The following NAV3 variants were observed in gnomAD, a reference collection of about 807,000 sequenced individuals.
NAV3 encodes neuron navigator 3.
NAV3 carries 87 observed loss-of-function variants against 244.7 expected under a neutral mutation model. The observed-to-expected ratio is 0.36, with a 90% CI of 0.30 to 0.42. The LOEUF (loss-of-function observed/expected upper bound fraction) is 0.42. Among genes scored for constraint, NAV3 ranks in the 20% least tolerant of loss-of-function variants. NAV3 has a pLI of 1.00. For missense variants in NAV3, 2,663 were observed against 2,893.3 expected, an observed-to-expected ratio of 0.92 and a Z score of 1.83; for synonymous variants, 1,126 against 1,042.2, an observed-to-expected ratio of 1.08 and a Z score of -1.55.
intron 2 of NAV3, among the ~76,000 whole-genome samples, chr12:77,658,311 A>G (rs1469995077): frequency 5.9e-5 from 9 of 151,644 alleles, no homozygotes; most frequent in Admixed American, 2.0e-4. Context: ...TTATACACCA[A>G]TAACAGACAA....
chr12:78,001,953 A>G (rs1031618486), intron 7 of NAV3, among the ~76,000 whole-genome samples: 17 of 152,308 alleles, frequency 1.1e-4, no homozygotes, highest in African/African-American at 3.1e-4. Context: ...GCATTTGTCA[A>G]TTTGCCCAGA....
intron 30 of NAV3, among the ~76,000 whole-genome samples, chr12:78,183,851 T>C (rs566584352): frequency 1.3e-5 from 2 of 151,946 alleles, no homozygotes; most frequent in Non-Finnish European, 2.9e-5. Flanking sequence ...CATTTCATAC[T>C]ACTCCTCACC....
chr12:77,596,394 T>C (rs711109), intron 2 of NAV3, among the ~76,000 whole-genome samples: 5,315 of 152,256 alleles, frequency 0.035, 115 homozygotes, highest in Middle Eastern at 0.071. Flanking sequence ...TATTTCTAGA[T>C]ATATTAGAAC....
At chr12:77,934,948 C>T (rs1378365810) in intron 1 of NAV3, among the ~76,000 whole-genome samples, 1 of 152,132 alleles carries the variant, frequency 6.6e-6, no homozygotes, top group Admixed American at 6.5e-5. Flanking sequence ...TTCAAACAGA[C>T]TTTTAACTTC....
intron 1 of NAV3, among the ~76,000 whole-genome samples, chr12:77,907,489 G>T (rs1368804635): frequency 6.6e-6 from 1 of 151,954 alleles, no homozygotes; most frequent in Non-Finnish European, 1.5e-5. Context: ...TTATTTCCTT[G>T]TAATAATTAG....
intron 24 of NAV3, among the ~76,000 whole-genome samples, chr12:78,170,139 G>A (rs892189038): frequency 3.3e-5 from 5 of 151,678 alleles, no homozygotes; most frequent in African/African-American, 1.2e-4. Flanking sequence ...GCTACCAAGA[G>A]AGAACTCCAC....
At chr12:77,720,056 A>G (rs188806624) in intron 2 of NAV3, among the ~76,000 whole-genome samples, 116 of 152,028 alleles carry the variant, frequency 7.6e-4, no homozygotes, top group Admixed American at 2.8e-3. Flanking sequence ...GAGTTCATCC[A>G]TTTCTCCTAG....
intron 2 of NAV3, among the ~76,000 whole-genome samples, chr12:77,809,845 A>G (rs1303532131): frequency 2.0e-5 from 3 of 152,222 alleles, no homozygotes; most frequent in East Asian, 3.8e-4. Context: ...ATGGCAAATT[A>G]CAAATCAGTT....
At chr12:77,734,280 A>G (rs1019858008) in intron 2 of NAV3, among the ~76,000 whole-genome samples, 3 of 151,700 alleles carry the variant, frequency 2.0e-5, no homozygotes, top group Non-Finnish European at 4.4e-5. Context: ...TTTTTCTCCA[A>G]TGCTTGTTGT....
intron 12 of NAV3, among the ~76,000 whole-genome samples, chr12:78,083,803 A>G (rs796511385): frequency 3.3e-5 from 5 of 152,250 alleles, no homozygotes; most frequent in African/African-American, 1.2e-4. Context: ...CCTGCAATTC[A>G]TTGATACTTA....
At chr12:77,960,436 CAT>C (rs199807831) in intron 3 of NAV3, among the ~76,000 whole-genome samples, 152 of 136,400 alleles carry the variant, frequency 1.1e-3, no homozygotes, top group Admixed American at 3.4e-3. Context: ...TCTGGCCAGT[CAT>C]ATATATATAT....
chr12:77,584,512 C>T (rs376125083), intron 2 of NAV3, among the ~76,000 whole-genome samples: 1 of 151,940 alleles, frequency 6.6e-6, no homozygotes, highest in Non-Finnish European at 1.5e-5. Flanking sequence ...TTTACATACC[C>T]ATGTACCTTT....
intron 20 of NAV3, among the ~76,000 whole-genome samples, chr12:78,145,933 G>C (rs1956845372): frequency 6.6e-6 from 1 of 152,064 alleles, no homozygotes; most frequent in South Asian, 2.1e-4. Context: ...ATAAAATTCT[G>C]ACATCTAAAC....
At chr12:77,797,252 C>G (rs993824551) in intron 2 of NAV3, among the ~76,000 whole-genome samples, 1 of 152,108 alleles carries the variant, frequency 6.6e-6, no homozygotes, top group African/African-American at 2.4e-5. Flanking sequence ...AAGCAAAGAG[C>G]TCAAATTGCC....
chr12:78,124,532 C>T (rs547190629), intron 16 of NAV3, among the ~76,000 whole-genome samples: 2 of 152,164 alleles, frequency 1.3e-5, no homozygotes, highest in Non-Finnish European at 2.9e-5. Context: ...CAGCTCATTG[C>T]GTCCTCTGCT....
chr12:78,154,163 C>A (rs1200460150), intron 22 of NAV3, among the ~76,000 whole-genome samples: 1 of 124,460 alleles, frequency 8.0e-6, no homozygotes, highest in Non-Finnish European at 1.7e-5. Flanking sequence ...TATATATATA[C>A]CTTCATAACA....
In NAV3 at chr12:77,831,193, GAC is replaced by G. The variant is rs200701291; in HGVS notation, c.-267_-266del. On this transcript the variant is annotated 5_prime_UTR_variant, in exon 1 of 40. Transcript: ENST00000397909. ...ACAGAGAGAGAGAGAGAGAGAGAGA[GAC>G]AGAGAGAGAGAGAGAGAGAGAGAAA... 9.4e-4 allele frequency: 81 copies of G among 85,864 alleles called. No individual in the cohort carries two copies. Among genetic ancestry groups the G allele is most frequent in the East Asian group, 2.6e-3 (8 of 3,040 alleles). 5.3% of individuals were successfully genotyped at this position (85,864 alleles called of 1,614,324 possible). A position where few individuals can be genotyped will look rare whatever the true frequency, so the allele number is the denominator to read the frequency against.
At chr12:77,935,233 C>A (rs1033628371) in intron 1 of NAV3, among the ~76,000 whole-genome samples, 2 of 152,016 alleles carry the variant, frequency 1.3e-5, no homozygotes, top group African/African-American at 2.4e-5. Context: ...AAAAAAAAAT[C>A]ACAAATGTTT....
chr12:78,138,795 T>C (rs1391753166), intron 19 of NAV3, among the ~76,000 whole-genome samples: 1 of 152,198 alleles, frequency 6.6e-6, no homozygotes, highest in Admixed American at 6.5e-5. Flanking sequence ...GATTAAATAA[T>C]CTGAATTTCT....
Sources: allele counts gnomAD v4.1 joint callset (sites outside exome capture counted in the v4.1 genomes callset), GRCh38; gene constraint gnomAD v4.1.1; transcripts MANE v1.5; gene names NCBI Gene and HGNC (gene_info 2026-07-23, HGNC 2026-07-21).